GALNT17: variants seen among roughly 807,000 people sequenced by gnomAD.
GALNT17 encodes the protein polypeptide N-acetylgalactosaminyltransferase 17.
GALNT17 carries 29 observed loss-of-function variants against 63.7 expected under a neutral mutation model. The observed-to-expected ratio is 0.46, with a 90% CI of 0.34 to 0.62. The LOEUF is 0.62. Among genes scored for constraint, GALNT17 ranks in the 20% least tolerant of loss-of-function variants. The pLI, the probability that GALNT17 is intolerant of heterozygous loss-of-function variation, is 0.01. For missense variants in GALNT17, 603 were observed against 799.6 expected (o/e 0.75, Z 2.97); for synonymous variants, 305 against 318.3 (o/e 0.96, Z 0.45).
At chr7:71,462,370 TCAA>T (rs1787466547) in intron 5 of GALNT17, among the ~76,000 whole-genome samples, 1 of 152,102 alleles carries the variant, frequency 6.6e-6, no homozygotes, top group Admixed American at 6.6e-5. Context: ...GAGATTGGGG[TCAA>T]CTCTGAATAC....
chr7:71,561,057 G>A (rs1789247624), intron 5 of GALNT17, among the ~76,000 whole-genome samples: 1 of 152,148 alleles, frequency 6.6e-6, no homozygotes, highest in South Asian at 2.1e-4. Context: ...CTGTCGGCCA[G>A]GCTGGAGTGC....
chr7:71,622,330 A>T (rs1790306005), intron 6 of GALNT17, among the ~76,000 whole-genome samples: 1 of 152,070 alleles, frequency 6.6e-6, no homozygotes. Flanking sequence ...ATGAAATCAT[A>T]CTCTTCCAAG....
At chr7:71,454,874 A>G (rs146273795) in intron 5 of GALNT17, among the ~76,000 whole-genome samples, 3 of 152,152 alleles carry the variant, frequency 2.0e-5, no homozygotes, top group Admixed American at 6.5e-5. Flanking sequence ...CTTATCAAGA[A>G]GGAATCCTGG....
At position 71,417,982 on chromosome 7, in the gene GALNT17, C is replaced by T. The variant is rs544923919; in HGVS notation, c.764+1919C>T. ...TGACATTCACCTAAACCAATGCGGT[C>T]ACTGCTGGAACTCATTCTTTTGGCA... On this transcript the variant is annotated intron_variant, in intron 4 of 10. Coordinates refer to ENST00000333538, the MANE Select transcript of GALNT17 (RefSeq NM_022479.3). 9.4e-4 allele frequency among the ~76,000 whole-genome samples: 143 copies of T among 152,300 alleles called. 2 individuals are homozygous for T. Among genetic ancestry groups the T allele is most frequent in the Non-Finnish European group, 9.0e-4 (61 of 68,038 alleles).
chr7:71,678,346 A>G (rs861503), intron 9 of GALNT17, among the ~76,000 whole-genome samples: 149,186 of 151,660 alleles, frequency 0.98, 73,415 homozygotes, highest in Middle Eastern at 1. Context: ...GACTGGTCTC[A>G]AACTCCTGAC....
chr7:71,133,909 A>C, intron 1 of GALNT17, among the ~76,000 whole-genome samples: 1 of 152,212 alleles, frequency 6.6e-6, no homozygotes, highest in East Asian at 1.9e-4. Flanking sequence ...ACTTAGGTAC[A>C]GACTACCTCC....
chr7:71,428,646 C>T (rs1235431883), intron 5 of GALNT17, among the ~76,000 whole-genome samples: 3 of 152,072 alleles, frequency 2.0e-5, no homozygotes, highest in African/African-American at 2.4e-5. Context: ...ACCATGTTGG[C>T]CAGGATGGTC....
chr7:71,445,175 C>T (rs1008338311), intron 5 of GALNT17, among the ~76,000 whole-genome samples: 3 of 143,704 alleles, frequency 2.1e-5, no homozygotes, highest in Admixed American at 7.0e-5. Flanking sequence ...TTTTTTCTTT[C>T]TTTCTTTTTT....
chr7:71,416,124 G>T, intron 4 of GALNT17, 61 bp downstream of exon 4: 1 of 1,532,874 alleles, frequency 6.5e-7, no homozygotes, highest in Non-Finnish European at 8.8e-7. Flanking sequence ...AGAGGGGCTG[G>T]AATCTGGGAG....
At chr7:71,223,609 G>A (rs1472056464) in intron 1 of GALNT17, among the ~76,000 whole-genome samples, 1 of 151,916 alleles carries the variant, frequency 6.6e-6, no homozygotes, top group Admixed American at 6.6e-5. Flanking sequence ...TTACACAGGT[G>A]AACTCATGTT....
intron 6 of GALNT17, among the ~76,000 whole-genome samples, chr7:71,603,635 A>T (rs1323685737): frequency 1.3e-5 from 2 of 151,882 alleles, no homozygotes; most frequent in African/African-American, 2.4e-5. Context: ...CATACACTGG[A>T]TACTGCTAAG....
intron 5 of GALNT17, among the ~76,000 whole-genome samples, chr7:71,451,134 A>G (rs928492035): frequency 1.3e-5 from 2 of 151,816 alleles, no homozygotes; most frequent in East Asian, 3.9e-4. Flanking sequence ...CCTGTGTCCA[A>G]GTGTTCTCAT....
chr7:71,676,486 C>A (rs1358169844), intron 8 of GALNT17, among the ~76,000 whole-genome samples: 3 of 151,786 alleles, frequency 2.0e-5, no homozygotes, highest in Non-Finnish European at 4.4e-5. Flanking sequence ...TGGGCTCAAG[C>A]GATCCTCCCG....
At chr7:71,479,931 T>C (rs1443813884) in intron 5 of GALNT17, among the ~76,000 whole-genome samples, 2 of 152,140 alleles carry the variant, frequency 1.3e-5, no homozygotes, top group Non-Finnish European at 2.9e-5. Context: ...ACAACTTCTT[T>C]CTTTGAAATA....
chr7:71,188,759 T>C (rs1788897896), intron 1 of GALNT17, among the ~76,000 whole-genome samples: 1 of 152,148 alleles, frequency 6.6e-6, no homozygotes, highest in Non-Finnish European at 1.5e-5. Context: ...TTATCTTTGT[T>C]CTTATTGCAT....
At chr7:71,666,354 T>C (rs1246766448) in intron 7 of GALNT17, among the ~76,000 whole-genome samples, 11 of 148,384 alleles carry the variant, frequency 7.4e-5, no homozygotes. Context: ...ATATATAAAA[T>C]ATATAATATA....
chr7:71,240,822 G>T (rs1050286954), intron 1 of GALNT17, among the ~76,000 whole-genome samples: 1 of 151,818 alleles, frequency 6.6e-6, no homozygotes, highest in Non-Finnish European at 1.5e-5. Context: ...CCGCCACCTC[G>T]CCTGGCTAAT....
rs751993320 is a variant in GALNT17, at chr7:71,713,180, A to AGTGT, written c.*1042_*1045dup. On this transcript the variant is annotated 3_prime_UTR_variant, in exon 11 of 11. Transcript: ENST00000333538. ...ATATATGAACGCGTGTGCATGCACA[A>AGTGT]GTGTGTGTGTGCCTGCGTGCTGTGC... 6.5e-6 allele frequency: 1 copy of AGTGT among 152,676 alleles called. No homozygotes were observed. The highest frequency in any genetic ancestry group is 6.5e-5 in the Admixed American group (1 of 15,268). 9.5% of individuals were successfully genotyped at this position (152,676 alleles called of 1,614,324 possible).
intron 1 of GALNT17, among the ~76,000 whole-genome samples, chr7:71,207,174 CAGAG>C: frequency 1.3e-5 from 2 of 151,336 alleles, no homozygotes; most frequent in East Asian, 3.9e-4. Context: ...TTCTTCTCAT[CAGAG>C]AGAGAGCCCT....
Sources: gnomAD v4.1 joint callset for allele counts (sites outside exome capture counted in the v4.1 genomes callset) on GRCh38, gnomAD v4.1.1 for gene constraint, MANE v1.5 for transcripts, NCBI Gene and HGNC (gene_info 2026-07-23, HGNC 2026-07-21) for gene names.